The following EPS15 variants were observed in gnomAD, a reference collection of about 807,000 sequenced individuals.
EPS15 encodes epidermal growth factor receptor substrate 15.
A neutral mutation model predicts 113.8 loss-of-function variants in EPS15; 72 were observed. The observed-to-expected ratio is 0.63, with a 90% CI of 0.52 to 0.77. EPS15 has a LOEUF of 0.77. Ranked by LOEUF, EPS15 falls within the 30% of genes least tolerant of loss-of-function variation. The probability of loss-of-function intolerance (pLI) is 0.00; values close to 1 mark genes in which losing one functional copy is unlikely to be tolerated. For missense variants in EPS15, 1,048 were observed against 1,045.8 expected, an observed-to-expected ratio of 1.00 and a Z score of -0.03; for synonymous variants, 344 against 363.4, an observed-to-expected ratio of 0.95 and a Z score of 0.61.
chr1:51,474,850 G>C (rs1655539478), intron 2 of EPS15, among the ~76,000 whole-genome samples: 1 of 99,518 alleles, frequency 1.0e-5, no homozygotes, highest in Non-Finnish European at 1.8e-5. Flanking sequence ...ACCCACAAAA[G>C]GCCACGGTGT....
At chr1:51,505,119 CAA>C (rs111863434) in intron 1 of EPS15, among the ~76,000 whole-genome samples, 3 of 138,164 alleles carry the variant, frequency 2.2e-5, no homozygotes, top group Admixed American at 7.3e-5. Flanking sequence ...GACTGTGTCT[CAA>C]AAAAAAAAAA....
At chr1:51,491,885 CAG>C (rs1413704191) in intron 1 of EPS15, among the ~76,000 whole-genome samples, 1 of 131,610 alleles carries the variant, frequency 7.6e-6, no homozygotes, top group Non-Finnish European at 1.5e-5. Flanking sequence ...TTTTTTGAGA[CAG>C]AGTGTTGCCC....
intron 5 of EPS15, among the ~76,000 whole-genome samples, chr1:51,465,572 C>T (rs1234214455): frequency 1.3e-5 from 2 of 151,998 alleles, no homozygotes; most frequent in South Asian, 2.1e-4. Flanking sequence ...CTTGCTCTGT[C>T]GCCCAGGCTG....
chr1:51,486,415 G>A (rs1277208439), intron 1 of EPS15, among the ~76,000 whole-genome samples: 1 of 111,236 alleles, frequency 9.0e-6, no homozygotes, highest in Non-Finnish European at 1.8e-5. Context: ...ACAAGAGCGA[G>A]ACTGCATCTC....
intron 21 of EPS15, among the ~76,000 whole-genome samples, chr1:51,379,582 A>G (rs1646888491): frequency 6.6e-6 from 1 of 152,242 alleles, no homozygotes; most frequent in Non-Finnish European, 1.5e-5. Context: ...CCAGATAAAC[A>G]AAAACTGAAT....
At chr1:51,513,475 A>G (rs1644662455) in intron 1 of EPS15, among the ~76,000 whole-genome samples, 1 of 152,244 alleles carries the variant, frequency 6.6e-6, no homozygotes, top group African/African-American at 2.4e-5. Flanking sequence ...ATATACATAT[A>G]CAGTATACAT....
intron 8 of EPS15, chr1:51,457,423 A>G (rs993972944): frequency 1.3e-5 from 2 of 151,916 alleles, no homozygotes; most frequent in Non-Finnish European, 2.9e-5. Flanking sequence ...GTACTAGTAC[A>G]GGAAAAGGGG....
Position 51,361,198 on chromosome 1 carries a change from A to G in EPS15, c.2517T>C (p.Asp839=). Residue 839 remains aspartate, a synonymous_variant, in exon 24 of 25, where the codon GAT becomes GAC. Coordinates refer to ENST00000371733, the MANE Select transcript of EPS15 (RefSeq NM_001981.3). Reference sequence around the variant, plus strand: ...CACTGAAGTTGGCAAAATTGCTTGGATCAGCCTCTTTATTGGTAGTGGTAG... The same window carrying G: ...CACTGAAGTTGGCAAAATTGCTTGGGTCAGCCTCTTTATTGGTAGTGGTAG... ...SATTTTNKEA[D]PSNFANFSAY... is the part of the protein sequence containing the mutation. 4.3e-6 allele frequency: 7 copies of G among 1,614,084 alleles called. No individual in the cohort carries two copies. The highest frequency in any genetic ancestry group is 5.9e-6 in the Non-Finnish European group (7 of 1,179,942).
intron 12 of EPS15, among the ~76,000 whole-genome samples, chr1:51,422,288 A>C (rs1256218981): frequency 6.6e-6 from 1 of 152,226 alleles, no homozygotes; most frequent in Admixed American, 6.5e-5. Context: ...AACAATACTA[A>C]GGAAAAAGAC....
intron 11 of EPS15, among the ~76,000 whole-genome samples, chr1:51,443,580 ACTCTC>A (rs1652767641): frequency 6.6e-6 from 1 of 152,054 alleles, no homozygotes; most frequent in Non-Finnish European, 1.5e-5. Flanking sequence ...TCTATAAGTA[ACTCTC>A]CATACCTGGT....
chr1:51,463,885 C>A, intron 6 of EPS15, 87 bp from the exon 7 acceptor site: 1 of 672,832 alleles, frequency 1.5e-6, no homozygotes, highest in Admixed American at 2.7e-5. Context: ...AAAGAATAGA[C>A]TACATATGTT....
chr1:51,399,548 C>A (rs577276725), intron 19 of EPS15, among the ~76,000 whole-genome samples: 2 of 148,694 alleles, frequency 1.3e-5, no homozygotes, highest in South Asian at 2.2e-4. Flanking sequence ...GACCCTGTCT[C>A]AAAAACAAAC....
intron 21 of EPS15, among the ~76,000 whole-genome samples, chr1:51,379,078 T>C (rs1448053954): frequency 6.6e-6 from 1 of 152,172 alleles, no homozygotes; most frequent in Non-Finnish European, 1.5e-5. Context: ...ACTGTGAAAG[T>C]AGTGAGAGAA....
At chr1:51,502,574 T>C (rs1644431153) in intron 1 of EPS15, among the ~76,000 whole-genome samples, 1 of 152,140 alleles carries the variant, frequency 6.6e-6, no homozygotes, top group Non-Finnish European at 1.5e-5. Context: ...TGAACTTATA[T>C]ACAGAAAATC....
Position 51,502,030 on chromosome 1 carries a change from C to T in EPS15, c.33+17169G>A, listed in dbSNP as rs908477984. Among the ~76,000 whole-genome samples, 6 of 152,208 alleles carry T rather than the reference C, an allele frequency of 3.9e-5. No homozygotes were observed. In the South Asian group the frequency reaches 1.0e-3, roughly 26 times the overall value. On this transcript the variant is annotated intron_variant, in intron 1 of 24. Coordinates refer to ENST00000371733, the MANE Select transcript of EPS15 (RefSeq NM_001981.3). ...CCTATACTCCCAACACTTTGGGAGG[C>T]GAAGGATGTGAGAATCACTTGCACC...
At chr1:51,432,673 C>T (rs946257617) in intron 12 of EPS15, among the ~76,000 whole-genome samples, 7 of 152,042 alleles carry the variant, frequency 4.6e-5, no homozygotes, top group Admixed American at 1.3e-4. Flanking sequence ...TTCAAGTGCT[C>T]AATCACCACA....
rs376405436 is a variant in EPS15 at position 51,463,653 on chromosome 1, C to T, written c.501+20G>A. On this transcript the variant is annotated intron_variant, in intron 7 of 24. Transcript: ENST00000371733. ...ATTAAAATACATAAAAATTACATTT[C>T]GGAGTAAATAATATCTTACTCTTCC... 1.8e-4 allele frequency: 257 copies of T among 1,462,500 alleles called. No homozygotes were observed. In the African/African-American group the frequency reaches 2.7e-3, roughly 15 times the overall value. The allele number at this position is 1,462,500 out of a possible 1,614,324, so 90.6% of individuals were successfully genotyped here. A position where few individuals can be genotyped will look rare whatever the true frequency, so the allele number is the denominator to read the frequency against.
chr1:51,497,039 CAA>C (rs920875422), intron 1 of EPS15, among the ~76,000 whole-genome samples: 5 of 152,220 alleles, frequency 3.3e-5, no homozygotes, highest in African/African-American at 7.2e-5. Flanking sequence ...AACTGAATAA[CAA>C]GAAATCTTCT....
chr1:51,372,587 G>T, intron 21 of EPS15: 1 of 520,452 alleles, frequency 1.9e-6, no homozygotes, highest in South Asian at 1.4e-5. Context: ...TGCCATCAAT[G>T]AACTCAAGAA....
Sources: gnomAD v4.1 joint callset for allele counts (sites outside exome capture counted in the v4.1 genomes callset) on GRCh38, gnomAD v4.1.1 for gene constraint, MANE v1.5 for transcripts, NCBI Gene and HGNC (gene_info 2026-07-23, HGNC 2026-07-21) for gene names.